The following NRXN3 variants were observed in gnomAD, a reference collection of about 807,000 sequenced individuals.
The protein encoded by NRXN3 is neurexin 3.
Under a neutral mutation model 137.6 loss-of-function variants are expected in NRXN3, and 32 were observed. That is an observed-to-expected ratio of 0.23 (90% CI 0.18 to 0.31). NRXN3 has a LOEUF of 0.31. NRXN3 is among the 10% of genes least tolerant of loss of function. The pLI, the probability that NRXN3 is intolerant of heterozygous loss-of-function variation, is 1.00. For missense variants in NRXN3, 1,574 were observed against 2,062.5 expected (o/e 0.76, Z 4.59); for synonymous variants, 798 against 784.5 (o/e 1.02, Z -0.29).
At chr14:79,780,913 C>G (rs1220720905) in intron 19 of NRXN3, among the ~76,000 whole-genome samples, 1 of 152,088 alleles carries the variant, frequency 6.6e-6, no homozygotes, top group Non-Finnish European at 1.5e-5. Flanking sequence ...TTTTTATCAT[C>G]TACCATTTCA....
chr14:79,183,675 T>C (rs558560760), intron 15 of NRXN3, among the ~76,000 whole-genome samples: 32 of 152,374 alleles, frequency 2.1e-4, no homozygotes, highest in African/African-American at 6.7e-4. Flanking sequence ...TTGTCTGCAC[T>C]GTGCTCACAT....
In NRXN3 at chr14:79,033,462, G is replaced by GT. The variant is rs527521598; in HGVS notation, c.3262+45322dup. Among the ~76,000 whole-genome samples, 14 of 152,202 alleles carry GT rather than the reference G, an allele frequency of 9.2e-5. No homozygotes were observed. The South Asian group carries it at 2.9e-3, about 32-fold the overall frequency. ...ATGTTAGAGGCTTATGTGTTTATGA[G>GT]TAGGCAGGTGTCTTCATGGAACTCT... is the stretch of plus-strand genomic sequence containing the variant. On this transcript the variant is annotated intron_variant, in intron 15 of 20. Coordinates refer to ENST00000335750, the MANE Select transcript of NRXN3 (RefSeq NM_001330195.2).
chr14:78,829,913 T>C (rs1227350211), intron 10 of NRXN3, among the ~76,000 whole-genome samples: 2 of 152,146 alleles, frequency 1.3e-5, no homozygotes, highest in Non-Finnish European at 2.9e-5. Flanking sequence ...AAGGTAGTTT[T>C]CTAGGCAATG....
chr14:78,570,791 G>A (rs1285591705), intron 4 of NRXN3, among the ~76,000 whole-genome samples: 1 of 152,178 alleles, frequency 6.6e-6, no homozygotes, highest in Non-Finnish European at 1.5e-5. Context: ...ACTTTTTAAA[G>A]CCGCCCAGTA....
chr14:79,133,256 G>C (rs1289910251), intron 15 of NRXN3, among the ~76,000 whole-genome samples: 2 of 152,160 alleles, frequency 1.3e-5, no homozygotes, highest in Non-Finnish European at 2.9e-5. Context: ...TGTCCTCTTA[G>C]GCCATGGTGT....
At chr14:79,483,355 G>A (rs775255573) in intron 16 of NRXN3, among the ~76,000 whole-genome samples, 1 of 152,160 alleles carries the variant, frequency 6.6e-6, no homozygotes, top group African/African-American at 2.4e-5. Flanking sequence ...AACATAGACG[G>A]CATGATAGGA....
intron 4 of NRXN3, among the ~76,000 whole-genome samples, chr14:78,532,357 A>G (rs551203037): frequency 6.8e-6 from 1 of 146,870 alleles, no homozygotes; most frequent in African/African-American, 2.5e-5. Context: ...AGAAAAGAAA[A>G]AGAAAATTGA....
intron 4 of NRXN3, among the ~76,000 whole-genome samples, chr14:78,492,687 C>A (rs1199910284): frequency 6.6e-6 from 1 of 152,124 alleles, no homozygotes; most frequent in Non-Finnish European, 1.5e-5. Flanking sequence ...CAGATATAAA[C>A]ACTTGTAGGG....
intron 10 of NRXN3, among the ~76,000 whole-genome samples, chr14:78,866,650 T>C (rs554681665): frequency 6.6e-6 from 1 of 151,964 alleles, no homozygotes; most frequent in East Asian, 1.9e-4. Context: ...GATTAACCTA[T>C]CATAGCTTCC....
intron 15 of NRXN3, among the ~76,000 whole-genome samples, chr14:79,057,413 C>A (rs915248550): frequency 9.2e-5 from 14 of 152,104 alleles, no homozygotes; most frequent in African/African-American, 1.9e-4. Context: ...TTATTTTTAG[C>A]CTTTTAATCC....
At chr14:78,973,432 A>G (rs1257386875) in intron 14 of NRXN3, among the ~76,000 whole-genome samples, 1 of 152,164 alleles carries the variant, frequency 6.6e-6, no homozygotes, top group Non-Finnish European at 1.5e-5. Context: ...AACTAGTTTT[A>G]AAGTTTTAAA....
chr14:79,749,852 C>A (rs1458470722), intron 19 of NRXN3, among the ~76,000 whole-genome samples: 1 of 152,068 alleles, frequency 6.6e-6, no homozygotes, highest in Admixed American at 6.5e-5. Flanking sequence ...ATGTTCATCA[C>A]AGAATTTAAA....
intron 1 of NRXN3, among the ~76,000 whole-genome samples, chr14:78,174,805 A>G: frequency 6.6e-6 from 1 of 152,136 alleles, no homozygotes; most frequent in East Asian, 1.9e-4. Flanking sequence ...GGAAGCCTCA[A>G]ATGAGATCCC....
chr14:79,358,708 G>C (rs972387614), intron 15 of NRXN3, among the ~76,000 whole-genome samples: 1 of 151,826 alleles, frequency 6.6e-6, no homozygotes, highest in African/African-American at 2.4e-5. Flanking sequence ...GGGCGTGTTT[G>C]GTGTCAGAGT....
chr14:78,990,711 AC>A (rs1481260183), intron 15 of NRXN3, among the ~76,000 whole-genome samples: 1 of 152,182 alleles, frequency 6.6e-6, no homozygotes. Context: ...ATAGGATGTG[AC>A]TGTGAAGTTT....
At chr14:79,448,454 T>G (rs1468242754) in intron 15 of NRXN3, among the ~76,000 whole-genome samples, 1 of 152,234 alleles carries the variant, frequency 6.6e-6, no homozygotes, top group Non-Finnish European at 1.5e-5. Flanking sequence ...AGTCAAGGAC[T>G]TTGCTAGTTC....
At chr14:79,120,138 G>A (rs12881434) in intron 15 of NRXN3, among the ~76,000 whole-genome samples, 77,984 of 151,806 alleles carry the variant, frequency 0.51, 22,761 homozygotes, top group East Asian at 0.78. Flanking sequence ...AATGGCCAGC[G>A]AGATCTCTTT....
At chr14:79,456,833 G>A (rs2096264977) in intron 15 of NRXN3, among the ~76,000 whole-genome samples, 1 of 151,980 alleles carries the variant, frequency 6.6e-6, no homozygotes. Context: ...TCACAATATA[G>A]ATTATAAAAA....
At position 79,642,039 on chromosome 14, in the gene NRXN3, A is replaced by T; in HGVS notation, c.3445-21739A>T. 1.5e-5 allele frequency among the ~76,000 whole-genome samples: 2 copies of T among 135,500 alleles called. 1 individual carries two copies. The highest frequency in any genetic ancestry group is 3.4e-5 in the Non-Finnish European group (2 of 58,308). The allele number at this position is 135,500 out of a possible 152,430, so 88.9% of individuals were successfully genotyped here. On this transcript the variant is annotated intron_variant, in intron 16 of 20. Transcript: ENST00000335750. ...AGTTTCTGTAATCATTCCTCAGGTG[A>T]CATAAAAGTATTTTCCGAAGTTTTG... is the stretch of plus-strand genomic sequence containing the variant.
Sources: gnomAD v4.1 joint callset for allele counts (sites outside exome capture counted in the v4.1 genomes callset) on GRCh38, gnomAD v4.1.1 for gene constraint, MANE v1.5 for transcripts, NCBI Gene and HGNC (gene_info 2026-07-23, HGNC 2026-07-21) for gene names.